TBL1X: variants seen among roughly 807,000 people sequenced by gnomAD.
TBL1X encodes transducin beta like 1 X-linked.
A neutral mutation model predicts 50.7 loss-of-function variants in TBL1X; 10 were observed. That is an observed-to-expected ratio of 0.20 (90% CI 0.12 to 0.33). The LOEUF (loss-of-function observed/expected upper bound fraction) is 0.33, where lower values mean the gene tolerates loss of function less well. Ranked by LOEUF, TBL1X falls within the 10% of genes least tolerant of loss-of-function variation. The pLI, the probability that TBL1X is intolerant of heterozygous loss-of-function variation, is 1.00. For synonymous variants in TBL1X, 190 were observed against 214.7 expected (o/e 0.88, Z 1.01); for missense variants, 340 against 504.4 (o/e 0.67, Z 3.12).
At chrX:9,713,116 C>A (rs1386699361) in intron 16 of TBL1X, among the ~76,000 whole-genome samples, 1 of 110,770 alleles carries the variant, frequency 9.0e-6, no homozygotes, top group African/African-American at 3.3e-5. Flanking sequence ...CACAGGCTTC[C>A]CAGGGACCTC....
At chrX:9,609,595 C>T (rs956912329) in intron 2 of TBL1X, among the ~76,000 whole-genome samples, 4 of 111,123 alleles carry the variant, frequency 3.6e-5, no homozygotes, top group African/African-American at 1.3e-4. Flanking sequence ...ATTTCAATTG[C>T]TTCCATTTTC....
chrX:9,484,031 T>C (rs899341091), intron 1 of TBL1X, among the ~76,000 whole-genome samples: 4 of 112,458 alleles, frequency 3.6e-5, no homozygotes, highest in African/African-American at 1.3e-4. Flanking sequence ...TTTATTTCTT[T>C]GTTTGTTTAC....
At position 9,593,443 on chromosome X, in the gene TBL1X, A is replaced by T. The variant is rs59957961; in HGVS notation, c.-130-46830A>T. On this transcript the variant is annotated intron_variant, in intron 2 of 17. Coordinates refer to ENST00000645353, the MANE Select transcript of TBL1X (RefSeq NM_005647.4). ...AATAATAATAAGGTTCACCTGATTG[A>T]AATAGCCTCTGTATTGAAGAACACC... Among the ~76,000 whole-genome samples, 869 of 110,551 alleles carry T rather than the reference A, an allele frequency of 7.9e-3. 8 individuals carry two copies. The highest frequency in any genetic ancestry group is 0.027 in the African/African-American group (815 of 30,325).
chrX:9,617,293 A>G (rs2146564744), intron 2 of TBL1X, among the ~76,000 whole-genome samples: 1 of 111,268 alleles, frequency 9.0e-6, no homozygotes, highest in East Asian at 2.9e-4. Flanking sequence ...CCGTCCTTCC[A>G]CAGAGCATTC....
At chrX:9,509,344 C>T (rs1401948232) in intron 2 of TBL1X, among the ~76,000 whole-genome samples, 2 of 80,053 alleles carry the variant, frequency 2.5e-5, no homozygotes, top group African/African-American at 1.0e-4. Flanking sequence ...TGAGCTGAGG[C>T]GACAAAGCGA....
chrX:9,517,588 C>G (rs191549140), intron 2 of TBL1X, among the ~76,000 whole-genome samples: 60 of 112,157 alleles, frequency 5.3e-4, no homozygotes, highest in African/African-American at 1.9e-3. Context: ...TCCCCAAACT[C>G]TGAACTGCAG....
chrX:9,496,583 T>C (rs1431281075), intron 1 of TBL1X, among the ~76,000 whole-genome samples: 1 of 112,559 alleles, frequency 8.9e-6, no homozygotes, highest in Non-Finnish European at 1.9e-5. Context: ...CCTCTTAGGG[T>C]TCAATTCAAT....
At chrX:9,594,143 C>G (rs187834395) in intron 2 of TBL1X, among the ~76,000 whole-genome samples, 2 of 112,741 alleles carry the variant, frequency 1.8e-5, no homozygotes, top group African/African-American at 3.2e-5. Flanking sequence ...CAAGAAGGTG[C>G]TGTTATTGTG....
chrX:9,490,482 A>G (rs1167637050), intron 1 of TBL1X, among the ~76,000 whole-genome samples: 1 of 112,198 alleles, frequency 8.9e-6, no homozygotes, highest in African/African-American at 3.2e-5. Context: ...GCCCCCCTCA[A>G]AGAATTATCT....
At chrX:9,658,721 A>G (rs2082879263) in intron 5 of TBL1X, among the ~76,000 whole-genome samples, 1 of 111,888 alleles carries the variant, frequency 8.9e-6, no homozygotes, top group African/African-American at 3.2e-5. Context: ...CACAGATTCA[A>G]ACTGAATTTA....
At chrX:9,587,613 A>G (rs1314755008) in intron 2 of TBL1X, among the ~76,000 whole-genome samples, 1 of 111,433 alleles carries the variant, frequency 9.0e-6, no homozygotes, top group Non-Finnish European at 1.9e-5. Flanking sequence ...CATCAAGATA[A>G]ATTATCTGTG....
chrX:9,568,532 G>T (rs2082364067), intron 2 of TBL1X, among the ~76,000 whole-genome samples: 1 of 110,609 alleles, frequency 9.0e-6, no homozygotes, highest in Non-Finnish European at 1.9e-5. Context: ...TGTGTGTGTT[G>T]TGTCTATCTG....
chrX:9,627,927 AAATAGACTCTT>A (rs1479819726), intron 2 of TBL1X, among the ~76,000 whole-genome samples: 2 of 112,442 alleles, frequency 1.8e-5, no homozygotes, highest in East Asian at 5.6e-4. Flanking sequence ...ACATAATATT[AAATAGACTCTT>A]TCTTTCTGAA....
At chrX:9,632,661 C>T (rs1336642942) in intron 2 of TBL1X, among the ~76,000 whole-genome samples, 2 of 111,921 alleles carry the variant, frequency 1.8e-5, no homozygotes, top group Non-Finnish European at 3.8e-5. Context: ...GTTAGAGAAA[C>T]ACTGATGAAA....
chrX:9,477,303 A>G (rs185869541), intron 1 of TBL1X, among the ~76,000 whole-genome samples: 20 of 112,043 alleles, frequency 1.8e-4, no homozygotes, highest in African/African-American at 5.8e-4. Flanking sequence ...TAAATGTTCA[A>G]CCTTCTCTAA....
intron 1 of TBL1X, among the ~76,000 whole-genome samples, chrX:9,492,840 T>G (rs1461503991): frequency 5.8e-3 from 45 of 7,699 alleles, no homozygotes; most frequent in East Asian, 0.012. Context: ...GGCTAGAGGG[T>G]GTGTGTGTGT....
intron 12 of TBL1X, among the ~76,000 whole-genome samples, chrX:9,698,443 A>G (rs1484821505): frequency 1.8e-5 from 2 of 112,029 alleles, no homozygotes; most frequent in Non-Finnish European, 3.8e-5. Context: ...GGCCAAATCC[A>G]GAGCTTCGAA....
At chrX:9,641,092 T>A (rs1453754747) in intron 3 of TBL1X, among the ~76,000 whole-genome samples, 1 of 112,537 alleles carries the variant, frequency 8.9e-6, no homozygotes, top group African/African-American at 3.2e-5. Context: ...ATAGATTTTA[T>A]TTGGCTCCTA....
chrX:9,537,308 A>G (rs1236653392), intron 2 of TBL1X, among the ~76,000 whole-genome samples: 1 of 104,600 alleles, frequency 9.6e-6, no homozygotes, highest in African/African-American at 3.5e-5. Context: ...CCGCCCCCCA[A>G]TTTTTTTTAT....
Sources: allele counts gnomAD v4.1 joint callset (sites outside exome capture counted in the v4.1 genomes callset), GRCh38; gene constraint gnomAD v4.1.1; transcripts MANE v1.5; gene names NCBI Gene and HGNC (gene_info 2026-07-23, HGNC 2026-07-21).